MON2: variants seen among roughly 807,000 people sequenced by gnomAD.
MON2 encodes the protein MON2 regulator of endosome-to-Golgi trafficking.
Under a neutral mutation model 208.6 loss-of-function variants are expected in MON2, and 84 were observed. That is an observed-to-expected ratio of 0.40 (90% CI 0.34 to 0.48). The LOEUF (loss-of-function observed/expected upper bound fraction) is 0.48, where lower values mean the gene tolerates loss of function less well. Ranked by LOEUF, MON2 falls within the 20% of genes least tolerant of loss-of-function variation. The pLI is 0.59. For synonymous variants in MON2, 660 were observed against 694.0 expected, an observed-to-expected ratio of 0.95 and a Z score of 0.77; for missense variants, 1,611 against 2,015.4, an observed-to-expected ratio of 0.80 and a Z score of 3.84.
At position 62,552,953 on chromosome 12, in the gene MON2, C is replaced by G; in HGVS notation, c.2989C>G (p.Gln997Glu). ...EKELNKEEAA[Q>E]QKQAEEKGVV... is the part of the protein sequence containing the mutation. Reference sequence around the variant, plus strand: ...AGAACTAAATAAGGAAGAGGCAGCACAGCAAAAGCAGGCAGAAGAGAAAGG... The same window carrying G: ...AGAACTAAATAAGGAAGAGGCAGCAGAGCAAAAGCAGGCAGAAGAGAAAGG... Residue 997 changes from glutamine to glutamate, a missense_variant, in exon 24 of 35, where the codon CAG (glutamine) becomes GAG (glutamate). Coordinates refer to ENST00000393630, the MANE Select transcript of MON2 (RefSeq NM_015026.3). The G allele has an allele frequency of 1.9e-6, 3 of 1,614,118 alleles. No individual in the cohort carries two copies. The highest frequency in any genetic ancestry group is 2.5e-6 in the Non-Finnish European group (3 of 1,179,982).
chr12:62,560,289 A>G (rs912559260), intron 25 of MON2: 1 of 497,730 alleles, frequency 2.0e-6, no homozygotes, highest in Non-Finnish European at 3.5e-6. Context: ...TTGTTCCTAT[A>G]TCTGAAAAAT....
Position 62,525,974 on chromosome 12 carries a change from C to G in MON2, c.1272C>G (p.Val424=). Residue 424 remains valine (V), a synonymous_variant, in exon 11 of 35, where the codon GTC becomes GTG. Transcript: ENST00000393630. ...QAGNNNLGGS[V]SAPANSGMVG... ...GAAACAATAATTTAGGTGGCTCAGT[C>G]TCAGCACCAGCTAACTCAGGAATGG... 1.2e-6 allele frequency: 2 copies of G among 1,613,734 alleles called. No individual in the cohort carries two copies. The highest frequency in any genetic ancestry group is 1.7e-6 in the Non-Finnish European group (2 of 1,179,812).
At chr12:62,533,607 T>C (rs928253547) in intron 12 of MON2, among the ~76,000 whole-genome samples, 2 of 152,204 alleles carry the variant, frequency 1.3e-5, no homozygotes, top group African/African-American at 4.8e-5. Context: ...TCCTATTTGA[T>C]AGAACAAGAT....
Position 62,501,609 on chromosome 12 carries a change from T to A in MON2, c.700T>A (p.Trp234Arg). 6.2e-7 allele frequency: 1 copy of A among 1,614,126 alleles called. No homozygotes were observed. The highest frequency in any genetic ancestry group is 8.5e-7 in the Non-Finnish European group (1 of 1,179,950). Residue 234 changes from tryptophan to arginine, a missense_variant, in exon 7 of 35, where the codon TGG becomes AGG. Trp to Arg is a moderately radical substitution (Grantham distance 101, BLOSUM62 -3). Transcript: ENST00000393630. ...GTTGGTTAATGCTGATGCTCCTTAT[T>A]GGCTAGTGGGCATGACAGAAATGAC... ...CQLVNADAPY[W>R]LVGMTEMTRT...
intron 8 of MON2, among the ~76,000 whole-genome samples, chr12:62,510,047 A>G (rs2071315520): frequency 6.6e-6 from 1 of 152,178 alleles, no homozygotes; most frequent in South Asian, 2.1e-4. Context: ...TGTGCCAACA[A>G]ATTGGATAAC....
At chr12:62,525,329 T>C (rs1302246257) in intron 10 of MON2, 109 bp downstream of exon 10, 11 of 1,128,198 alleles carry the variant, frequency 9.8e-6, no homozygotes, top group Non-Finnish European at 1.4e-5. Flanking sequence ...TTGGGTTACC[T>C]AAACATGTTG....
At chr12:62,483,933 G>A (rs1429752311) in intron 1 of MON2, among the ~76,000 whole-genome samples, 1 of 152,188 alleles carries the variant, frequency 6.6e-6, no homozygotes, top group African/African-American at 2.4e-5. Flanking sequence ...GCAGAGGAAG[G>A]CAACATGTTG....
chr12:62,519,275 C>T (rs2071874523), intron 8 of MON2, among the ~76,000 whole-genome samples: 1 of 152,028 alleles, frequency 6.6e-6, no homozygotes, highest in Non-Finnish European at 1.5e-5. Context: ...CCTTTGTGTC[C>T]CTACTAGTCC....
At chr12:62,534,591 AACG>A (rs2072877014) in intron 12 of MON2, among the ~76,000 whole-genome samples, 1 of 124,682 alleles carries the variant, frequency 8.0e-6, no homozygotes, top group African/African-American at 3.1e-5. Context: ...TATAAAATTT[AACG>A]TGTACAGAAA....
chr12:62,508,713 C>A, intron 8 of MON2: 1 of 430,946 alleles, frequency 2.3e-6, no homozygotes. Flanking sequence ...TTGTCTGAAG[C>A]CAGCATAGGA....
chr12:62,522,382 T>C (rs1238945977), intron 8 of MON2, among the ~76,000 whole-genome samples: 2 of 152,198 alleles, frequency 1.3e-5, no homozygotes, highest in African/African-American at 4.8e-5. Context: ...TCCTGACAAA[T>C]AGACTCCTAC....
At chr12:62,479,837 A>G (rs373812563) in intron 1 of MON2, among the ~76,000 whole-genome samples, 1 of 152,074 alleles carries the variant, frequency 6.6e-6, no homozygotes, top group Non-Finnish European at 1.5e-5. Flanking sequence ...CATGTTTACA[A>G]TTTATTAGGT....
intron 32 of MON2, among the ~76,000 whole-genome samples, chr12:62,583,261 G>T (rs971869467): frequency 6.6e-6 from 1 of 152,090 alleles, no homozygotes; most frequent in East Asian, 1.9e-4. Context: ...GAGCCCAGGA[G>T]AACAAGGCTG....
Position 62,585,512 on chromosome 12 carries a change from C to A in MON2, c.4907+11C>A. The stretch of plus-strand genomic sequence containing the variant: ...ATGCCCTCTTCCAAGGTATATATTT[C>A]ATTTTATTAAAGAAATAAATGTATT... On this transcript the variant is annotated intron_variant, in intron 33 of 34. Coordinates refer to ENST00000393630, the MANE Select transcript of MON2 (RefSeq NM_015026.3). 6.5e-7 allele frequency: 1 copy of A among 1,535,616 alleles called. No individual in the cohort carries two copies. The highest frequency in any genetic ancestry group is 8.9e-7 in the Non-Finnish European group (1 of 1,127,524).
intron 19 of MON2, among the ~76,000 whole-genome samples, chr12:62,539,499 C>A (rs2073135345): frequency 6.6e-6 from 1 of 151,112 alleles, no homozygotes; most frequent in African/African-American, 2.4e-5. Flanking sequence ...GATCTCCTGA[C>A]CTTGTGATCC....
In MON2 at chr12:62,500,917, T is replaced by C. The variant is rs112159926; in HGVS notation, c.663+37T>C. The C allele has an allele frequency of 6.1e-4, 789 of 1,285,310 alleles. 6 individuals are homozygous for C. In the African/African-American group the frequency reaches 0.01, roughly 17 times the overall value. 79.6% of individuals were successfully genotyped at this position (1,285,310 alleles called of 1,614,324 possible). A position where few individuals can be genotyped will look rare whatever the true frequency, so the allele number is the denominator to read the frequency against. Reference sequence around the variant, plus strand: ...GATAAAAGTAATTTTTATTCTAAAATATAGTTTTGTGTGAATTTTTTAGTT... The same window carrying C: ...GATAAAAGTAATTTTTATTCTAAAACATAGTTTTGTGTGAATTTTTTAGTT... On this transcript the variant is annotated intron_variant, in intron 6 of 34. Coordinates refer to ENST00000393630, the MANE Select transcript of MON2 (RefSeq NM_015026.3).
rs1565943582 is a variant in MON2, at chr12:62,467,125, G to A, written c.-83G>A. On this transcript the variant is annotated 5_prime_UTR_variant, in exon 1 of 35. Transcript: ENST00000393630. ...TGCTGAAGGACCAGAGACACCGGGA[G>A]GGAGCTGCCTGTGGCCCTAAGGAGC... 19 of 1,118,856 alleles carry A rather than the reference G, an allele frequency of 1.7e-5. No individual in the cohort carries two copies. 69.3% of individuals were successfully genotyped at this position (1,118,856 alleles called of 1,614,324 possible).
chr12:62,566,247 C>G, intron 28 of MON2, 75 bp from the exon 29 acceptor site: 2 of 1,527,706 alleles, frequency 1.3e-6, no homozygotes, highest in Non-Finnish European at 1.8e-6. Context: ...GACAAAGATG[C>G]TTTCTCTTTG....
At chr12:62,588,007 T>G (rs1346877704) in intron 33 of MON2, 67 bp from the exon 34 acceptor site, 1 of 1,015,902 alleles carries the variant, frequency 9.8e-7, no homozygotes, top group Non-Finnish European at 1.5e-6. Context: ...ACAAACTTAG[T>G]TTAAAAAACA....
Sources: gnomAD v4.1 joint callset for allele counts (sites outside exome capture counted in the v4.1 genomes callset) on GRCh38, gnomAD v4.1.1 for gene constraint, MANE v1.5 for transcripts, NCBI Gene and HGNC (gene_info 2026-07-23, HGNC 2026-07-21) for gene names.